STK39: variants seen among roughly 807,000 people sequenced by gnomAD.
The protein encoded by STK39 is STE20/SPS1-related proline-alanine-rich protein kinase.
STK39 carries 20 observed loss-of-function variants against 77.8 expected under a neutral mutation model. The observed-to-expected ratio is 0.26, with a 90% CI of 0.18 to 0.37. The LOEUF is 0.37. STK39 is among the 10% of genes least tolerant of loss of function. The pLI, the probability that STK39 is intolerant of heterozygous loss-of-function variation, is 1.00. For synonymous variants in STK39, 246 were observed against 234.1 expected (o/e 1.05, Z -0.47); for missense variants, 479 against 656.5 (o/e 0.73, Z 2.95).
intron 1 of STK39, among the ~76,000 whole-genome samples, chr2:168,241,913 C>A (rs1040151059): frequency 6.6e-6 from 1 of 152,166 alleles, no homozygotes; most frequent in Non-Finnish European, 1.5e-5. Flanking sequence ...TGCTCAAGGT[C>A]GCAGCGTCAG....
intron 16 of STK39, among the ~76,000 whole-genome samples, chr2:167,985,477 T>G (rs528785242): frequency 5.3e-5 from 8 of 152,334 alleles, no homozygotes; most frequent in Admixed American, 2.6e-4. Flanking sequence ...GCAGGATATC[T>G]GCACATCATC....
At chr2:168,075,317 A>G in intron 10 of STK39, 86 bp from the exon 11 acceptor site, 8 of 1,560,012 alleles carry the variant, frequency 5.1e-6, no homozygotes, top group Non-Finnish European at 7.0e-6. Context: ...TACGGCATAC[A>G]CACCAACCTG....
In STK39 at chr2:167,997,042, TA is replaced by T. The variant is rs371010686; in HGVS notation, c.1498+15591del. Among the ~76,000 whole-genome samples, 185 of 149,708 alleles carry T rather than the reference TA, an allele frequency of 1.2e-3. 1 individual carries two copies. Among genetic ancestry groups the T allele is most frequent in the African/African-American group, 4.0e-3 (164 of 40,506 alleles). ...GCTCACTATAAGTGAACTATTTGGT[TA>T]GAATGATTTATCTAGTTGCCTACAC... On this transcript the variant is annotated intron_variant, in intron 16 of 17. Coordinates refer to ENST00000355999, the MANE Select transcript of STK39 (RefSeq NM_013233.3).
Position 168,247,562 on chromosome 2 carries a change from G to A in STK39, c.-127C>T. On this transcript the variant is annotated 5_prime_UTR_variant, in exon 1 of 18. It adds an upstream start codon to the 5' untranslated region. Transcript: ENST00000355999. ...CTCCCCGCCCGCCGCCGCCGCCGCC[G>A]TCCCCGCCGAAGCCAGCTAGGAGGG... 2.7e-6 allele frequency: 2 copies of A among 752,680 alleles called. No homozygotes were observed. The highest frequency in any genetic ancestry group is 3.4e-6 in the Non-Finnish European group (2 of 590,084). The allele number at this position is 752,680 out of a possible 1,614,324, so 46.6% of individuals were successfully genotyped here. A position where few individuals can be genotyped will look rare whatever the true frequency, so the allele number is the denominator to read the frequency against.
intron 16 of STK39, among the ~76,000 whole-genome samples, chr2:167,981,050 TAA>T (rs36011880): frequency 6.8e-6 from 1 of 147,314 alleles, no homozygotes. Flanking sequence ...GGCCACAGAG[TAA>T]AAAAAAAAAT....
chr2:167,987,207 T>C (rs1465182783), intron 16 of STK39, among the ~76,000 whole-genome samples: 1 of 152,194 alleles, frequency 6.6e-6, no homozygotes, highest in African/African-American at 2.4e-5. Context: ...AGACCCACTG[T>C]AGTTTCCCTA....
intron 16 of STK39, among the ~76,000 whole-genome samples, chr2:168,004,658 G>A (rs1373382898): frequency 6.6e-6 from 1 of 151,134 alleles, no homozygotes; most frequent in African/African-American, 2.4e-5. Context: ...GTGTGAACCT[G>A]GGAGGTGGAG....
At chr2:168,228,930 G>A (rs1690376067) in intron 1 of STK39, among the ~76,000 whole-genome samples, 1 of 152,020 alleles carries the variant, frequency 6.6e-6, no homozygotes, top group South Asian at 2.1e-4. Flanking sequence ...CTAATCCCAC[G>A]TCCAGACCTG....
chr2:168,005,434 T>A (rs1282191299), intron 16 of STK39, among the ~76,000 whole-genome samples: 2 of 151,720 alleles, frequency 1.3e-5, no homozygotes, highest in East Asian at 1.9e-4. Context: ...AAAAAATCAA[T>A]CATAGTGAAT....
intron 3 of STK39, among the ~76,000 whole-genome samples, chr2:168,165,654 A>G (rs181242776): frequency 8.5e-4 from 129 of 151,602 alleles, no homozygotes; most frequent in African/African-American, 3.0e-3. Context: ...AAGACTGAGG[A>G]AGACTGAAAA....
chr2:168,044,623 G>C (rs1685192114), intron 14 of STK39, among the ~76,000 whole-genome samples: 1 of 152,156 alleles, frequency 6.6e-6, no homozygotes. Context: ...AGAAGAAGAA[G>C]ATTAAAATGT....
At chr2:168,175,111 T>C (rs1688924063) in intron 2 of STK39, among the ~76,000 whole-genome samples, 1 of 152,134 alleles carries the variant, frequency 6.6e-6, no homozygotes, top group African/African-American at 2.4e-5. Flanking sequence ...CTCCTGAGGA[T>C]TCCACAGCCC....
chr2:168,152,979 C>T (rs1401884505), intron 5 of STK39, among the ~76,000 whole-genome samples: 2 of 152,034 alleles, frequency 1.3e-5, no homozygotes, highest in Non-Finnish European at 2.9e-5. Flanking sequence ...AATATGATCC[C>T]TATGGGAGAA....
chr2:168,105,759 T>G (rs1045616924), intron 10 of STK39, among the ~76,000 whole-genome samples: 5 of 152,194 alleles, frequency 3.3e-5, no homozygotes, highest in African/African-American at 1.2e-4. Context: ...GGGCAAGACC[T>G]TGTGTGAAAA....
At chr2:168,027,110 A>C (rs10186213) in intron 14 of STK39, among the ~76,000 whole-genome samples, 21,233 of 152,204 alleles carry the variant, frequency 0.14, 1,666 homozygotes, top group Non-Finnish European at 0.18. Context: ...TGGGTAAGGT[A>C]GGGGAAAGGA....
intron 10 of STK39, among the ~76,000 whole-genome samples, chr2:168,102,092 GGCT>G (rs566368601): frequency 4.5e-4 from 68 of 150,818 alleles, no homozygotes; most frequent in Non-Finnish European, 7.7e-4. Context: ...GTCCACTTTG[GGCT>G]ACTATGGATA....
intron 16 of STK39, among the ~76,000 whole-genome samples, chr2:167,965,980 A>G (rs1194358877): frequency 6.6e-6 from 1 of 152,244 alleles, no homozygotes; most frequent in Non-Finnish European, 1.5e-5. Context: ...TATGTACTCA[A>G]TATGGCCTAT....
At chr2:168,207,190 T>G (rs1052882116) in intron 1 of STK39, among the ~76,000 whole-genome samples, 8 of 152,240 alleles carry the variant, frequency 5.3e-5, no homozygotes, top group Admixed American at 3.3e-4. Context: ...TACCCTATGA[T>G]AGTGACTGTC....
chr2:168,109,362 C>T (rs939319482), intron 10 of STK39, among the ~76,000 whole-genome samples: 1 of 152,112 alleles, frequency 6.6e-6, no homozygotes, highest in Non-Finnish European at 1.5e-5. Flanking sequence ...CTACAGTCTT[C>T]TATAGTTTGC....
Sources: gnomAD v4.1 joint callset for allele counts (sites outside exome capture counted in the v4.1 genomes callset) on GRCh38, gnomAD v4.1.1 for gene constraint, MANE v1.5 for transcripts, NCBI Gene and HGNC (gene_info 2026-07-23, HGNC 2026-07-21) for gene names.